Variants in C1orf116 observed in about 807,000 individuals in gnomAD.
The protein encoded by C1orf116 is chromosome 1 open reading frame 116.
C1orf116 carries 12 observed loss-of-function variants against 14.1 expected under a neutral mutation model. The ratio of observed to expected loss-of-function variants is 0.85; its 90% CI spans 0.54 to 1.38. C1orf116 has a LOEUF of 1.38. Among genes scored for constraint, C1orf116 ranks in the 40% most tolerant of loss-of-function variants. C1orf116 has a pLI of 0.00. For synonymous variants in C1orf116, 296 were observed against 299.0 expected, an observed-to-expected ratio of 0.99 and a Z score of 0.10; for missense variants, 797 against 747.0, an observed-to-expected ratio of 1.07 and a Z score of -0.78.
At position 207,022,720 on chromosome 1, in the gene C1orf116, T is replaced by C; in HGVS notation, c.1044A>G (p.Lys348=). 2 of 1,614,176 alleles carry C rather than the reference T, an allele frequency of 1.2e-6. No individual in the cohort carries two copies. The highest frequency in any genetic ancestry group is 1.7e-6 in the Non-Finnish European group (2 of 1,180,032). The change falls in exon 4 of 4, where the codon AAA becomes AAG. Residue 348 remains lysine (K), a synonymous_variant. Coordinates refer to ENST00000359470, the MANE Select transcript of C1orf116 (RefSeq NM_023938.6). ...CSLQEQRKAR[K]EALEKLGLPQ... is the part of the protein sequence containing the mutation. ...GTAGCCCCAGCTTCTCTAGAGCTTC[T>C]TTACGTGCTTTTCTCTGCTCTTGCA...
intron 3 of C1orf116, among the ~76,000 whole-genome samples, chr1:207,024,382 T>C (rs1259706099): frequency 6.6e-6 from 1 of 152,224 alleles, no homozygotes; most frequent in Non-Finnish European, 1.5e-5. Flanking sequence ...TTGTGTGTTG[T>C]TTTGTTCCCC....
chr1:207,020,867 CTT>C lies in C1orf116; in HGVS notation c.*1089_*1090del, dbSNP rs796597665. 140 of 152,260 alleles carry C rather than the reference CTT, an allele frequency of 9.2e-4. 1 individual carries two copies. Among genetic ancestry groups the C allele is most frequent in the African/African-American group, 3.2e-3 (135 of 41,548 alleles). The allele number at this position is 152,260 out of a possible 1,614,324, so 9.4% of individuals were successfully genotyped here. On this transcript the variant is annotated 3_prime_UTR_variant, in exon 4 of 4. Transcript: ENST00000359470. ...TGCAACAAGGGTAAGAACCTCAGCT[CTT>C]TCCCTAAATGGCAGGCTGACCCGGG... is the stretch of plus-strand genomic sequence containing the variant.
intron 2 of C1orf116, among the ~76,000 whole-genome samples, chr1:207,026,603 T>G (rs1297209003): frequency 6.6e-6 from 1 of 152,270 alleles, no homozygotes; most frequent in Admixed American, 6.5e-5. Context: ...CAAAATCCAC[T>G]GGTTGTCTTA....
intron 1 of C1orf116, 75 bp downstream of exon 1, chr1:207,032,504 C>T: frequency 1.1e-6 from 1 of 946,416 alleles, no homozygotes; most frequent in Non-Finnish European, 1.3e-6. Context: ...CTCCCCTCCC[C>T]TGTAGCTCTG....
chr1:207,024,033 T>C (rs1681978282), intron 3 of C1orf116, among the ~76,000 whole-genome samples: 1 of 152,202 alleles, frequency 6.6e-6, no homozygotes, highest in Non-Finnish European at 1.5e-5. Context: ...GATTTGCTCT[T>C]GATTCAACCA....
chr1:207,023,987 C>G (rs1478412140), intron 3 of C1orf116, among the ~76,000 whole-genome samples: 1 of 152,216 alleles, frequency 6.6e-6, no homozygotes, highest in African/African-American at 2.4e-5. Flanking sequence ...TTGGGCCTCC[C>G]AGATAACTGA....
rs1681950026 is a variant in C1orf116, at chr1:207,023,278, C to G, written c.486G>C (p.Gly162=). ...CTTTCTCAGGCTCTGGCGCAAGCCT[C>G]CCCGGTTCTCCAGGGTTGTGACTGC... The part of the protein sequence containing the change: ...QASSHNPGEP[G]RLAPEPEKEQ... The change falls in exon 4 of 4, where the codon GGG becomes GGC. Residue 162 remains glycine, a synonymous_variant. Transcript: ENST00000359470. The G allele has an allele frequency of 1.2e-6, 2 of 1,613,998 alleles. No homozygotes were observed. The highest frequency in any genetic ancestry group is 1.7e-6 in the Non-Finnish European group (2 of 1,179,906).
intron 3 of C1orf116, 119 bp from the exon 4 acceptor site, chr1:207,023,599 A>G: frequency 1.5e-6 from 2 of 1,367,902 alleles, no homozygotes; most frequent in Non-Finnish European, 1.9e-6. Flanking sequence ...CTAGCAATGA[A>G]TGGGTTTTAT....
At position 207,022,199 on chromosome 1, in the gene C1orf116, A is replaced by T; in HGVS notation, c.1565T>A (p.Val522Asp). ...GSFLDKISPS[V>D]LRNSRPRPAS... ...CGGGCGGGGCCGAGAATTACGTAAGACACTGGGCGAGATCTTGTCCAAGAA... is the reference window on the plus strand; with the variant it reads ...CGGGCGGGGCCGAGAATTACGTAAGTCACTGGGCGAGATCTTGTCCAAGAA... Residue 522 changes from valine to aspartate, a missense_variant, in exon 4 of 4, where the codon GTC becomes GAC. Val to Asp is a radical substitution (Grantham distance 152, BLOSUM62 -3). Coordinates refer to ENST00000359470, the MANE Select transcript of C1orf116 (RefSeq NM_023938.6). 6.2e-7 allele frequency: 1 copy of T among 1,614,084 alleles called. No homozygotes were observed. Among genetic ancestry groups the T allele is most frequent in the Non-Finnish European group, 8.5e-7 (1 of 1,180,014 alleles).
rs557843056 is a variant in C1orf116 at position 207,020,780 on chromosome 1, C to T, written c.*1178G>A. On this transcript the variant is annotated 3_prime_UTR_variant, in exon 4 of 4. Transcript: ENST00000359470. Reference sequence around the variant, plus strand: ...CTTAGGGTTGAGTCTTTGATGGTGACTATGGCTCCTTAGGGTGCTGTGTGG... The same window carrying T: ...CTTAGGGTTGAGTCTTTGATGGTGATTATGGCTCCTTAGGGTGCTGTGTGG... The T allele has an allele frequency of 3.9e-5, 6 of 152,296 alleles. No homozygotes were observed. Among genetic ancestry groups the T allele is most frequent in the Non-Finnish European group, 7.3e-5 (5 of 68,030 alleles). 9.4% of individuals were successfully genotyped at this position (152,296 alleles called of 1,614,324 possible). A position where few individuals can be genotyped will look rare whatever the true frequency, so the allele number is the denominator to read the frequency against.
At chr1:207,023,649 T>G (rs1420284792) in intron 3 of C1orf116, among the ~76,000 whole-genome samples, 169 bp from the exon 4 acceptor site, 1 of 152,196 alleles carries the variant, frequency 6.6e-6, no homozygotes, top group Non-Finnish European at 1.5e-5. Flanking sequence ...GCAGCACTTT[T>G]GTCTGGATAT....
At chr1:207,031,934 CT>C (rs1682257819) in intron 1 of C1orf116, among the ~76,000 whole-genome samples, 1 of 152,188 alleles carries the variant, frequency 6.6e-6, no homozygotes, top group Non-Finnish European at 1.5e-5. Flanking sequence ...TCCAAATAAA[CT>C]TGACTTTGCA....
In C1orf116 at chr1:207,023,199, C is replaced by T. The variant is rs144941234; in HGVS notation, c.565G>A (p.Ala189Thr). 1.5e-3 allele frequency: 2,343 copies of T among 1,608,172 alleles called. 36 individuals are homozygous for T. In the African/African-American group the frequency reaches 0.028, roughly 19 times the overall value. ...AGCACCACGTCCAAGTCAAGGGCAG[C>T]CTCCTGGGGGCTGGCAGGTGCCTGC... ...PRQAPASPQEAALDLDVVLIP... is the reference protein window; with the variant it reads ...PRQAPASPQETALDLDVVLIP... The change falls in exon 4 of 4, where the codon GCT becomes ACT. Residue 189 changes from alanine to threonine, a missense_variant. Coordinates refer to ENST00000359470, the MANE Select transcript of C1orf116 (RefSeq NM_023938.6).
In C1orf116 at chr1:207,021,853, C is replaced by T. The variant is rs1445279372; in HGVS notation, c.*105G>A. ...TGTATGCTTGGACTCAAATCTCTCC[C>T]TCCCATTCATCTTGAGCCCTGAGTT... On this transcript the variant is annotated 3_prime_UTR_variant, in exon 4 of 4. Transcript: ENST00000359470. 13 of 1,160,218 alleles carry T rather than the reference C, an allele frequency of 1.1e-5. No homozygotes were observed. The highest frequency in any genetic ancestry group is 1.5e-5 in the Non-Finnish European group (13 of 844,440). 71.9% of individuals were successfully genotyped at this position (1,160,218 alleles called of 1,614,324 possible). A position where few individuals can be genotyped will look rare whatever the true frequency, so the allele number is the denominator to read the frequency against.
chr1:207,032,556 T>C (rs367557725), intron 1 of C1orf116, 23 bp downstream of exon 1: 4 of 985,086 alleles, frequency 4.1e-6, no homozygotes, highest in African/African-American at 3.5e-5. Flanking sequence ...GGATAAGCAA[T>C]AGTTGGTTAG....
At position 207,018,949 on chromosome 1, in the gene C1orf116, C is replaced by T. The variant is rs550611695; in HGVS notation, c.*3009G>A. 1 of 152,006 alleles carries T rather than the reference C, an allele frequency of 6.6e-6. No homozygotes were observed. Among genetic ancestry groups the T allele is most frequent in the African/African-American group, 2.4e-5 (1 of 41,344 alleles). 9.4% of individuals were successfully genotyped at this position (152,006 alleles called of 1,614,324 possible). ...GGGTTCATCTCACACACTCACAGAC[C>T]ATGTAGACTATTCAATCTACACCTC... On this transcript the variant is annotated 3_prime_UTR_variant, in exon 4 of 4. Transcript: ENST00000359470.
chr1:207,023,117 C>T lies in C1orf116; in HGVS notation c.647G>A (p.Ser216Asn). The T allele has an allele frequency of 6.2e-7, 1 of 1,612,796 alleles. No homozygotes were observed. The highest frequency in any genetic ancestry group is 8.5e-7 in the Non-Finnish European group (1 of 1,179,866). ...DTQPEQCREA[S>N]LPEGPGQQGH... ...CTGCTGTCCTGGCCCCTCGGGCAGGCTGGCTTCCCTACACTGCTCTGGCTG... is the reference window on the plus strand; with the variant it reads ...CTGCTGTCCTGGCCCCTCGGGCAGGTTGGCTTCCCTACACTGCTCTGGCTG... Residue 216 changes from serine (S) to asparagine (N), a missense_variant, in exon 4 of 4, where the codon AGC (serine) becomes AAC (asparagine). Coordinates refer to ENST00000359470, the MANE Select transcript of C1orf116 (RefSeq NM_023938.6).
Position 207,022,158 on chromosome 1 carries a change from C to T in C1orf116, c.1606G>A (p.Gly536Arg). The change falls in exon 4 of 4, where the codon GGG (glycine) becomes AGG (arginine). Residue 536 changes from glycine to arginine, a missense_variant. Transcript: ENST00000359470. ...ACCTGGATACCTGCAAAATCTTTCC[C>T]CGTGCCCAGGGAGGCCGGGCGGGGC... is the stretch of plus-strand genomic sequence containing the variant. ...SRPRPASLGTGKDFAGIQVGK... is the reference protein window; with the variant it reads ...SRPRPASLGTRKDFAGIQVGK... 6.2e-7 allele frequency: 1 copy of T among 1,613,586 alleles called. No homozygotes were observed. Among genetic ancestry groups the T allele is most frequent in the South Asian group, 1.1e-5 (1 of 91,066 alleles).
rs564325801 is a variant in C1orf116 at position 207,021,559 on chromosome 1, C to T, written c.*399G>A. ...GTGACTTTTTTTCAAGTCATTGACA[C>T]GTCCATTGTCTCATTTGACTTTTTG... On this transcript the variant is annotated 3_prime_UTR_variant, in exon 4 of 4. Coordinates refer to ENST00000359470, the MANE Select transcript of C1orf116 (RefSeq NM_023938.6). 1.1e-3 allele frequency: 172 copies of T among 156,840 alleles called. 1 individual carries two copies. Among genetic ancestry groups the T allele is most frequent in the African/African-American group, 3.9e-3 (161 of 41,746 alleles). The allele number at this position is 156,840 out of a possible 1,614,324, so 9.7% of individuals were successfully genotyped here. A position where few individuals can be genotyped will look rare whatever the true frequency, so the allele number is the denominator to read the frequency against.
Sources: gnomAD v4.1 joint callset for allele counts (sites outside exome capture counted in the v4.1 genomes callset) on GRCh38, gnomAD v4.1.1 for gene constraint, MANE v1.5 for transcripts, NCBI Gene and HGNC (gene_info 2026-07-23, HGNC 2026-07-21) for gene names.